LDB1: variants seen among roughly 807,000 people sequenced by gnomAD.
LDB1 encodes the protein LIM domain-binding protein 1.
A neutral mutation model predicts 49.7 loss-of-function variants in LDB1; 6 were observed. The observed-to-expected ratio is 0.12, with a 90% CI of 0.07 to 0.24. LDB1 has a LOEUF of 0.24. LDB1 is among the 10% of genes least tolerant of loss of function. The probability of loss-of-function intolerance (pLI) is 1.00; values close to 1 mark genes in which losing one functional copy is unlikely to be tolerated. For missense variants in LDB1, 341 were observed against 561.7 expected (o/e 0.61, Z 3.97); for synonymous variants, 233 against 202.0 (o/e 1.15, Z -1.30).
rs773859560 is a variant in LDB1 at position 102,107,174 on chromosome 10, T to C, written c.*919A>G. Among the ~76,000 whole-genome samples, 85 of 152,158 alleles carry C rather than the reference T, an allele frequency of 5.6e-4. No individual in the cohort carries two copies. Among genetic ancestry groups the C allele is most frequent in the Non-Finnish European group, 4.6e-4 (31 of 67,998 alleles). On this transcript the variant is annotated 3_prime_UTR_variant, in exon 11 of 11. Transcript: ENST00000673968. The stretch of plus-strand genomic sequence containing the variant: ...AGGGAAGGAGCCTCCCCTCCCCGCA[T>C]CCTAGACAGCTGCTCTTGTGGAGGA...
Position 102,107,925 on chromosome 10 carries a change from G to A in LDB1, c.*168C>T. 1 of 669,028 alleles carries A rather than the reference G, an allele frequency of 1.5e-6. No homozygotes were observed. Among genetic ancestry groups the A allele is most frequent in the South Asian group, 1.8e-5 (1 of 56,294 alleles). The allele number at this position is 669,028 out of a possible 1,614,324, so 41.4% of individuals were successfully genotyped here. ...GCCAGGCCCAGCCCAGGGCCACTGGGGGGGCAAATCTTGGCACCTGCCCCC... is the reference window on the plus strand; with the variant it reads ...GCCAGGCCCAGCCCAGGGCCACTGGAGGGGCAAATCTTGGCACCTGCCCCC... On this transcript the variant is annotated 3_prime_UTR_variant, in exon 11 of 11. Transcript: ENST00000673968.
Position 102,107,890 on chromosome 10 carries a change from C to A in LDB1, c.*203G>T. ...ATGAGTACCCCCTCCCCCTAAAAGG[C>A]TCTGTAGAGGCCAGGCCCAGCCCAG... On this transcript the variant is annotated 3_prime_UTR_variant, in exon 11 of 11. Coordinates refer to ENST00000673968, the MANE Select transcript of LDB1 (RefSeq NM_001113407.3). 1.6e-6 allele frequency: 1 copy of A among 608,284 alleles called. No individual in the cohort carries two copies. Among genetic ancestry groups the A allele is most frequent in the Non-Finnish European group, 2.9e-6 (1 of 341,682 alleles). 37.7% of individuals were successfully genotyped at this position (608,284 alleles called of 1,614,324 possible). A position where few individuals can be genotyped will look rare whatever the true frequency, so the allele number is the denominator to read the frequency against.
chr10:102,112,046 G>C (rs138690325), intron 1 of LDB1, among the ~76,000 whole-genome samples: 1 of 152,184 alleles, frequency 6.6e-6, no homozygotes, highest in Non-Finnish European at 1.5e-5. Context: ...TAAGAAACAA[G>C]AGTAGTCCAC....
Position 102,109,153 on chromosome 10 carries a change from C to T in LDB1, c.881G>A (p.Ser294Asn). Reference protein sequence around the residue: ...PPAEPTRQQPSKRRKRKMSGG... With the variant: ...PPAEPTRQQPNKRRKRKMSGG... The stretch of plus-strand genomic sequence containing the variant: ...TGACATCTTCCGTTTCCGCCGTTTG[C>T]TGGGCTGCTGACGTGTGGGCTCCGC... The change falls in exon 10 of 11, where the codon AGC becomes AAC. Residue 294 changes from serine to asparagine, a missense_variant. Physicochemically the swap from Ser to Asn is conservative, Grantham distance 46. This residue lies in a region of LDB1 where 233 missense variants were observed against 385.7 expected (regional missense o/e 0.60). Coordinates refer to ENST00000673968, the MANE Select transcript of LDB1 (RefSeq NM_001113407.3). This position sits in a 1 kb window ranked among gnomAD's most constrained non-coding sequence, Gnocchi z 5.8. The T allele has an allele frequency of 6.2e-7, 1 of 1,613,960 alleles. No individual in the cohort carries two copies. Among genetic ancestry groups the T allele is most frequent in the Non-Finnish European group, 8.5e-7 (1 of 1,179,952 alleles).
chr10:102,112,842 TCTCAC>T (rs1231836356), intron 1 of LDB1, among the ~76,000 whole-genome samples: 1 of 152,182 alleles, frequency 6.6e-6, no homozygotes, highest in Non-Finnish European at 1.5e-5. Flanking sequence ...ATGTCCTCTC[TCTCAC>T]CTCACCTAAC....
intron 1 of LDB1, chr10:102,114,512 T>C: frequency 3.0e-6 from 3 of 986,194 alleles, no homozygotes; most frequent in Non-Finnish European, 3.6e-6. Flanking sequence ...GCAGCTCATG[T>C]CCCGAGTGGG....
chr10:102,113,982 C>T (rs571136872), intron 1 of LDB1, among the ~76,000 whole-genome samples: 1 of 152,322 alleles, frequency 6.6e-6, no homozygotes, highest in Admixed American at 6.5e-5. Flanking sequence ...AGGGGAGGGA[C>T]ATCACCCAGA....
In LDB1 at chr10:102,109,323, T is replaced by TA. The variant is rs1222092636; in HGVS notation, c.856+60dup. On this transcript the variant is annotated intron_variant, in intron 9 of 10. Coordinates refer to ENST00000673968, the MANE Select transcript of LDB1 (RefSeq NM_001113407.3). This position sits in a 1 kb window ranked among gnomAD's most constrained non-coding sequence, Gnocchi z 5.8. ...GGGTGGGGAAAACTTCAAAAGGAAA[T>TA]AAAGATACAGCTTTGGGGAGCGGTG... 1 of 1,609,448 alleles carries TA rather than the reference T, an allele frequency of 6.2e-7. No homozygotes were observed. Among genetic ancestry groups the TA allele is most frequent in the Non-Finnish European group, 8.5e-7 (1 of 1,178,016 alleles).
rs1032950254 is a variant in LDB1 at position 102,120,277 on chromosome 10, C to T, written c.-167G>A. 2.5e-5 allele frequency: 25 copies of T among 983,328 alleles called. No individual in the cohort carries two copies. The African/African-American group carries it at 4.2e-4, about 17-fold the overall frequency. 60.9% of individuals were successfully genotyped at this position (983,328 alleles called of 1,614,324 possible). A position where few individuals can be genotyped will look rare whatever the true frequency, so the allele number is the denominator to read the frequency against. On this transcript the variant is annotated 5_prime_UTR_variant, in exon 1 of 11. Coordinates refer to ENST00000673968, the MANE Select transcript of LDB1 (RefSeq NM_001113407.3). ...GCGGCCCCTGGCTGCGGCGAGGGGC[C>T]TGTCAGGCGCGGAGCAGACAGGAAG...
chr10:102,112,163 C>A (rs1200608431), intron 1 of LDB1, among the ~76,000 whole-genome samples: 1 of 152,160 alleles, frequency 6.6e-6, no homozygotes, highest in East Asian at 1.9e-4. Context: ...AAATAAATAT[C>A]CAATCATTAG....
chr10:102,111,661 G>C (rs780584884), intron 1 of LDB1, 125 bp from the exon 2 acceptor site: 16 of 562,452 alleles, frequency 2.8e-5, no homozygotes, highest in Non-Finnish European at 4.7e-5. Context: ...GACCAGCCTA[G>C]GCAACATAGC....
chr10:102,114,029 G>A (rs556878411), intron 1 of LDB1, among the ~76,000 whole-genome samples: 2 of 152,230 alleles, frequency 1.3e-5, no homozygotes, highest in African/African-American at 4.8e-5. Flanking sequence ...CCAGCAGCAG[G>A]AGTAGAGGCA....
At chr10:102,119,292 C>T (rs547797888) in intron 1 of LDB1, among the ~76,000 whole-genome samples, 1 of 149,676 alleles carries the variant, frequency 6.7e-6, no homozygotes, top group Admixed American at 6.7e-5. Flanking sequence ...GAGGTAGACG[C>T]CCTCCGCCCC....
At chr10:102,120,834 A>G (rs1376567054), upstream of LDB1, among the ~76,000 whole-genome samples, 1 of 152,020 alleles carries the variant, frequency 6.6e-6, no homozygotes, top group African/African-American at 2.4e-5. Flanking sequence ...CGGGGTGGGC[A>G]GTGTGGTGTA....
intron 1 of LDB1, 148 bp from the exon 2 acceptor site, chr10:102,111,684 C>T (rs1345313650): frequency 1.9e-6 from 1 of 521,930 alleles, no homozygotes; most frequent in East Asian, 3.0e-5. Context: ...GACCTCGTCT[C>T]TAAAAATAAT....
chr10:102,109,035 C>T lies in LDB1; in HGVS notation c.999G>A (p.Gln333=). The change falls in exon 10 of 11, where the codon CAG becomes CAA. Residue 333 remains glutamine, a synonymous_variant. Coordinates refer to ENST00000673968, the MANE Select transcript of LDB1 (RefSeq NM_001113407.3). This position sits in a 1 kb window ranked among gnomAD's most constrained non-coding sequence, Gnocchi z 5.8. ...AGAAAGCCGAGATGCTTACAGGTAC[C>T]TGGCTGGAGAGGGCGAAGGTGCTAG... ...SPASTFALSS[Q]VPDVMVVGEP... is the part of the protein sequence containing the mutation. The T allele has an allele frequency of 6.2e-7, 1 of 1,614,242 alleles. No homozygotes were observed. Among genetic ancestry groups the T allele is most frequent in the Non-Finnish European group, 8.5e-7 (1 of 1,180,044 alleles).
intron 1 of LDB1, among the ~76,000 whole-genome samples, chr10:102,113,515 A>G (rs769717955): frequency 4.6e-5 from 7 of 152,164 alleles, no homozygotes; most frequent in Middle Eastern, 3.4e-3. Flanking sequence ...AGTCTCCCCA[A>G]TCCACAGACA....
chr10:102,108,382 G>A (rs1453957545), intron 10 of LDB1, 59 bp from the exon 11 acceptor site: 41 of 1,388,488 alleles, frequency 3.0e-5, no homozygotes, highest in East Asian at 1.4e-4. Flanking sequence ...GGCCCAGGGC[G>A]GCAGATACCC....
At chr10:102,105,529 T>C (rs1162241333), downstream of LDB1, among the ~76,000 whole-genome samples, 1 of 151,946 alleles carries the variant, frequency 6.6e-6, no homozygotes, top group East Asian at 1.9e-4. Flanking sequence ...GGACACTGGA[T>C]AGGGAGCTTT....
Sources: allele counts gnomAD v4.1 joint callset (sites outside exome capture counted in the v4.1 genomes callset), GRCh38; gene constraint gnomAD v4.1.1; regional missense constraint gnomAD v4.1.1; non-coding constraint Gnocchi (gnomAD v3.1); transcripts MANE v1.5; gene names NCBI Gene and HGNC (gene_info 2026-07-23, HGNC 2026-07-21).